Variants in SLC25A16 observed in about 807,000 individuals in gnomAD.
SLC25A16 encodes solute carrier family 25 member 16.
SLC25A16 carries 39 observed loss-of-function variants against 41.5 expected under a neutral mutation model. That is an observed-to-expected ratio of 0.94 (90% CI 0.73 to 1.23). The LOEUF (loss-of-function observed/expected upper bound fraction) is 1.23. Ranked by LOEUF, SLC25A16 falls within the 50% of genes most tolerant of loss-of-function variation. SLC25A16 has a pLI of 0.00. For synonymous variants in SLC25A16, 146 were observed against 147.8 expected, an observed-to-expected ratio of 0.99 and a Z score of 0.09; for missense variants, 421 against 426.9, an observed-to-expected ratio of 0.99 and a Z score of 0.12.
At chr10:68,510,185 T>A (rs992542424) in intron 2 of SLC25A16, among the ~76,000 whole-genome samples, 1 of 152,138 alleles carries the variant, frequency 6.6e-6, no homozygotes, top group African/African-American at 2.4e-5. Context: ...GAAGTAATAG[T>A]TTTGTCCAAT....
At chr10:68,503,454 G>A (rs568064481) in intron 4 of SLC25A16, among the ~76,000 whole-genome samples, 178 bp downstream of exon 4, 3 of 152,150 alleles carry the variant, frequency 2.0e-5, no homozygotes, top group African/African-American at 7.2e-5. Flanking sequence ...CTAAATCAAT[G>A]TCACACTTTT....
intron 1 of SLC25A16, among the ~76,000 whole-genome samples, chr10:68,519,141 G>A (rs2053210005): frequency 1.3e-5 from 2 of 150,888 alleles, no homozygotes; most frequent in South Asian, 2.1e-4. Flanking sequence ...GTGGTGAGCC[G>A]AGATCACACC....
chr10:68,527,180 C>T lies in SLC25A16; in HGVS notation c.130+66G>A, dbSNP rs1169014751. On this transcript the variant is annotated intron_variant, in intron 1 of 8. Coordinates refer to ENST00000609923, the MANE Select transcript of SLC25A16 (RefSeq NM_152707.4). ...GGAATGTCATAGAGGCCGCTTGCAT[C>T]CCACTTGCCCACAGTCCTGCCCCCG... is the stretch of plus-strand genomic sequence containing the variant. 1.9e-5 allele frequency: 28 copies of T among 1,500,060 alleles called. 1 individual carries two copies. In the East Asian group the frequency reaches 5.4e-4, roughly 29 times the overall value. 92.9% of individuals were successfully genotyped at this position (1,500,060 alleles called of 1,614,324 possible). A position where few individuals can be genotyped will look rare whatever the true frequency, so the allele number is the denominator to read the frequency against.
chr10:68,517,005 G>A (rs758027124), intron 1 of SLC25A16, 162 bp from the exon 2 acceptor site: 3 of 1,131,628 alleles, frequency 2.7e-6, no homozygotes, highest in East Asian at 2.8e-5. Flanking sequence ...CCCATTTCCT[G>A]TAACTTAATA....
chr10:68,480,590 A>T lies in SLC25A16; in HGVS notation c.*2842T>A, dbSNP rs2052473909. The T allele has an allele frequency of 1.5e-5, 2 of 137,032 alleles. No individual in the cohort carries two copies. The highest frequency in any genetic ancestry group is 8.5e-5 in the Admixed American group (1 of 11,740). The allele number at this position is 137,032 out of a possible 1,614,324, so 8.5% of individuals were successfully genotyped here. A position where few individuals can be genotyped will look rare whatever the true frequency, so the allele number is the denominator to read the frequency against. ...CGGCTCACTGCAAGCTCCGCCTCCC[A>T]GGTTCAAGTGATTCTCCTGTCTCAG... On this transcript the variant is annotated 3_prime_UTR_variant, in exon 9 of 9. Coordinates refer to ENST00000609923, the MANE Select transcript of SLC25A16 (RefSeq NM_152707.4).
chr10:68,514,594 A>C (rs1360781583), intron 2 of SLC25A16, among the ~76,000 whole-genome samples: 1 of 152,202 alleles, frequency 6.6e-6, no homozygotes, highest in Non-Finnish European at 1.5e-5. Flanking sequence ...TGGAACCGCA[A>C]GGTCAAAGAA....
Position 68,479,139 on chromosome 10 carries a change from A to C in SLC25A16, c.*4293T>G, listed in dbSNP as rs181659771. 15 of 152,308 alleles carry C rather than the reference A, an allele frequency of 9.8e-5. No individual in the cohort carries two copies. In the East Asian group the frequency reaches 2.5e-3, roughly 25 times the overall value. The allele number at this position is 152,308 out of a possible 1,614,324, so 9.4% of individuals were successfully genotyped here. On this transcript the variant is annotated 3_prime_UTR_variant, in exon 9 of 9. Transcript: ENST00000609923. ...AAGCAAACCAAATGACTTTATTCCTAAATTGTTTATTTCTTGAACTATTTG... is the reference window on the plus strand; with the variant it reads ...AAGCAAACCAAATGACTTTATTCCTCAATTGTTTATTTCTTGAACTATTTG...
At chr10:68,500,410 C>T (rs144943139) in intron 4 of SLC25A16, among the ~76,000 whole-genome samples, 19 of 152,154 alleles carry the variant, frequency 1.2e-4, no homozygotes, top group African/African-American at 3.9e-4. Flanking sequence ...CAGGTTCAAG[C>T]GATTCTCCTG....
intron 1 of SLC25A16, among the ~76,000 whole-genome samples, chr10:68,525,696 G>C (rs2053326206): frequency 6.6e-6 from 1 of 152,138 alleles, no homozygotes. Context: ...AGAGAGATCA[G>C]ATTGTTACTG....
chr10:68,499,346 G>A lies in SLC25A16; in HGVS notation c.421+4286C>T, dbSNP rs141408384. Among the ~76,000 whole-genome samples, 532 of 152,332 alleles carry A rather than the reference G, an allele frequency of 3.5e-3. 11 individuals carry two copies. The East Asian group carries it at 0.047, about 13-fold the overall frequency. ...AGCGGAACTCAGCTCATCACTTCTA[G>A]GTTCTAACACTTTCCTTCTTTTTTT... On this transcript the variant is annotated intron_variant, in intron 4 of 8. Transcript: ENST00000609923.
chr10:68,493,206 G>A lies in SLC25A16; in HGVS notation c.544-8C>T, dbSNP rs746697833. 1.3e-6 allele frequency: 2 copies of A among 1,573,868 alleles called. No individual in the cohort carries two copies. Among genetic ancestry groups the A allele is most frequent in the South Asian group, 2.3e-5 (2 of 85,924 alleles). ...TCCAAAGAAACCACCTTCCTTTTGA[G>A]TGAAGGAAAATTGCAAGTGAGATTA... On this transcript the variant is annotated splice_polypyrimidine_tract_variant and splice_region_variant and intron_variant, in intron 5 of 8. Coordinates refer to ENST00000609923, the MANE Select transcript of SLC25A16 (RefSeq NM_152707.4).
chr10:68,486,434 G>GT (rs1005801418), intron 8 of SLC25A16, among the ~76,000 whole-genome samples: 18 of 150,550 alleles, frequency 1.2e-4, no homozygotes, highest in African/African-American at 3.7e-4. Context: ...GTTTGTTTTT[G>GT]TTTTTTTTAT....
rs2052500315 is a variant in SLC25A16 at position 68,482,848 on chromosome 10, T to C, written c.*584A>G. 2 of 152,322 alleles carry C rather than the reference T, an allele frequency of 1.3e-5. No homozygotes were observed. The highest frequency in any genetic ancestry group is 6.5e-5 in the Admixed American group (1 of 15,278). 9.4% of individuals were successfully genotyped at this position (152,322 alleles called of 1,614,324 possible). On this transcript the variant is annotated 3_prime_UTR_variant, in exon 9 of 9. Coordinates refer to ENST00000609923, the MANE Select transcript of SLC25A16 (RefSeq NM_152707.4). ...CCACCATGTCCAGCTTCTTCATTTA[T>C]TTTTGTGTCTCTACATGGCTACCTT...
chr10:68,520,694 C>A (rs1273758365), intron 1 of SLC25A16, among the ~76,000 whole-genome samples: 1 of 151,998 alleles, frequency 6.6e-6, no homozygotes, highest in African/African-American at 2.4e-5. Context: ...TGCCTGTAAT[C>A]CCAGCTACAC....
chr10:68,486,234 A>C (rs867290763), intron 8 of SLC25A16, among the ~76,000 whole-genome samples: 37 of 147,468 alleles, frequency 2.5e-4, no homozygotes, highest in South Asian at 6.5e-4. Context: ...AACAAAACAA[A>C]AAAAAAAAAA....
At chr10:68,503,399 T>C in intron 4 of SLC25A16, 1 of 370,100 alleles carries the variant, frequency 2.7e-6, no homozygotes, top group Non-Finnish European at 4.8e-6. Flanking sequence ...GTACTGATAA[T>C]TTCATATATA....
chr10:68,496,118 T>G (rs920435370), intron 4 of SLC25A16, among the ~76,000 whole-genome samples: 1 of 152,210 alleles, frequency 6.6e-6, no homozygotes, highest in East Asian at 1.9e-4. Flanking sequence ...CTCCTCTTCT[T>G]GCATCCCCTT....
At chr10:68,486,410 C>G (rs10998221) in intron 8 of SLC25A16, among the ~76,000 whole-genome samples, 6,025 of 151,388 alleles carry the variant, frequency 0.04, 132 homozygotes, top group Middle Eastern at 0.058. Flanking sequence ...TTAATATTTT[C>G]TTTGTTTTTT....
At chr10:68,495,892 A>G (rs1174851574) in intron 4 of SLC25A16, among the ~76,000 whole-genome samples, 2 of 151,976 alleles carry the variant, frequency 1.3e-5, no homozygotes, top group East Asian at 3.9e-4. Context: ...AAGTTACTTA[A>G]CCTGGGTTTC....
Sources: gnomAD v4.1 joint callset for allele counts (sites outside exome capture counted in the v4.1 genomes callset) on GRCh38, gnomAD v4.1.1 for gene constraint, MANE v1.5 for transcripts, NCBI Gene and HGNC (gene_info 2026-07-23, HGNC 2026-07-21) for gene names.